ADH7: variants seen among roughly 807,000 people sequenced by gnomAD.
ADH7 encodes the protein alcohol dehydrogenase 7 (class IV), mu or sigma polypeptide, also known as all-trans-retinol dehydrogenase [NAD(+)] ADH7.
A neutral mutation model predicts 34.4 loss-of-function variants in ADH7; 41 were observed. The ratio of observed to expected loss-of-function variants is 1.19; its 90% CI spans 0.93 to 1.55. The LOEUF (loss-of-function observed/expected upper bound fraction) is 1.55. Ranked by LOEUF, ADH7 falls within the 40% of genes most tolerant of loss-of-function variation. The pLI is 0.00. For synonymous variants in ADH7, 180 were observed against 160.9 expected (o/e 1.12, Z -0.90); for missense variants, 540 against 461.2 (o/e 1.17, Z -1.56).
intron 5 of ADH7, among the ~76,000 whole-genome samples, chr4:99,421,166 G>C (rs537508658): frequency 1.3e-5 from 2 of 151,908 alleles, no homozygotes; most frequent in African/African-American, 2.4e-5. Context: ...ATTTCATCTA[G>C]AACCAAAAAA....
At chr4:99,421,270 CA>C (rs1276760355) in intron 5 of ADH7, among the ~76,000 whole-genome samples, 56 of 152,246 alleles carry the variant, frequency 3.7e-4, no homozygotes, top group African/African-American at 9.6e-4. Context: ...GCTACAGTAA[CA>C]AAAACAGCAT....
chr4:99,428,748 A>G, intron 2 of ADH7, 118 bp from the exon 3 acceptor site: 1 of 1,293,644 alleles, frequency 7.7e-7, no homozygotes, highest in Non-Finnish European at 1.1e-6. Flanking sequence ...GCCTAATATA[A>G]CAACATTTAC....
At chr4:99,429,773 T>C in intron 1 of ADH7, 140 bp from the exon 2 acceptor site, 1 of 609,648 alleles carries the variant, frequency 1.6e-6, no homozygotes, top group East Asian at 2.9e-5. Context: ...ACTAGTATTA[T>C]AAGCCTTATA....
chr4:99,425,119 A>C (rs1721768992), intron 5 of ADH7, among the ~76,000 whole-genome samples: 1 of 152,180 alleles, frequency 6.6e-6, no homozygotes. Flanking sequence ...CAAAATGTAA[A>C]GACCATCGAG....
At chr4:99,415,748 T>C in intron 7 of ADH7, 132 bp from the exon 8 acceptor site, 1 of 943,110 alleles carries the variant, frequency 1.1e-6, no homozygotes, top group Non-Finnish European at 1.5e-6. Context: ...AGTGTACAAA[T>C]AAGCTGTATT....
chr4:99,429,369 G>A (rs1043110496), intron 2 of ADH7, among the ~76,000 whole-genome samples, 163 bp downstream of exon 2: 2 of 151,996 alleles, frequency 1.3e-5, no homozygotes, highest in African/African-American at 4.8e-5. Flanking sequence ...ATTTCACATC[G>A]AGTACAACCA....
chr4:99,413,296 C>T (rs947918112), intron 8 of ADH7, 124 bp from the exon 9 acceptor site: 12 of 1,063,546 alleles, frequency 1.1e-5, no homozygotes, highest in Admixed American at 1.0e-4. Flanking sequence ...TGGAAATCCT[C>T]TGGGCTCAAA....
At chr4:99,415,368 T>G in intron 8 of ADH7, 110 bp downstream of exon 8, 2 of 1,152,668 alleles carry the variant, frequency 1.7e-6, no homozygotes, top group Non-Finnish European at 2.5e-6. Context: ...TCAATCTGGC[T>G]AGATTAAATA....
At chr4:99,417,549 C>T (rs1335168990) in intron 7 of ADH7, among the ~76,000 whole-genome samples, 1 of 152,128 alleles carries the variant, frequency 6.6e-6, no homozygotes, top group Non-Finnish European at 1.5e-5. Context: ...GTTACCCATC[C>T]TTTATTATTA....
chr4:99,432,233 A>G (rs1560565527), intron 1 of ADH7, among the ~76,000 whole-genome samples: 1 of 152,158 alleles, frequency 6.6e-6, no homozygotes, highest in Non-Finnish European at 1.5e-5. Flanking sequence ...TAAATACTAC[A>G]TGTTCTCACT....
intron 7 of ADH7, among the ~76,000 whole-genome samples, chr4:99,418,222 T>C (rs1479998251): frequency 1.3e-5 from 2 of 152,232 alleles, no homozygotes; most frequent in Non-Finnish European, 2.9e-5. Flanking sequence ...TTATATTCTT[T>C]CTTTTATATT....
rs573213337 is a variant in ADH7 at position 99,434,574 on chromosome 4, T to TA, written c.18+641dup. ...GGAAATATACTGACCTATTTTCAAA[T>TA]AAAAAAAAACAAAGCAAAGCTGTTT... On this transcript the variant is annotated intron_variant, in intron 1 of 8. Coordinates refer to ENST00000437033, the MANE Select transcript of ADH7 (RefSeq NM_000673.7). Among the ~76,000 whole-genome samples the TA allele has an allele frequency of 1.9e-4, 28 of 151,244 alleles. No individual in the cohort carries two copies. In the South Asian group the frequency reaches 1.9e-3, roughly 10 times the overall value.
rs1006942058 is a variant in ADH7, at chr4:99,428,254, A to G, written c.260-80T>C. On this transcript the variant is annotated intron_variant, in intron 3 of 8. Coordinates refer to ENST00000437033, the MANE Select transcript of ADH7 (RefSeq NM_000673.7). ...ATTAACAAATGTGAATTGAGCCCAT[A>G]CTATAGGTAAAACTTTTAAAAATAT... 1.3e-5 allele frequency: 18 copies of G among 1,377,654 alleles called. No homozygotes were observed. In the African/African-American group the frequency reaches 2.4e-4, roughly 19 times the overall value. 85.3% of individuals were successfully genotyped at this position (1,377,654 alleles called of 1,614,324 possible).
intron 1 of ADH7, among the ~76,000 whole-genome samples, chr4:99,433,534 G>A (rs562088431): frequency 2.0e-5 from 3 of 152,168 alleles, no homozygotes; most frequent in South Asian, 2.1e-4. Flanking sequence ...CTCCAAATTC[G>A]TATGTTGAAG....
chr4:99,419,513 T>C (rs1721599706), intron 6 of ADH7, among the ~76,000 whole-genome samples: 1 of 152,106 alleles, frequency 6.6e-6, no homozygotes, highest in Admixed American at 6.6e-5. Flanking sequence ...AGTCTTAAAA[T>C]TAAATAAAAT....
At chr4:99,419,610 A>G (rs998398814) in intron 6 of ADH7, among the ~76,000 whole-genome samples, 2 of 152,174 alleles carry the variant, frequency 1.3e-5, no homozygotes, top group East Asian at 1.9e-4. Flanking sequence ...CCATCCAGTT[A>G]TTAAGCAATA....
intron 8 of ADH7, 98 bp from the exon 9 acceptor site, chr4:99,413,270 A>T (rs1721449994): frequency 7.4e-7 from 1 of 1,356,036 alleles, no homozygotes; most frequent in Middle Eastern, 1.8e-4. Context: ...TAGAAACTTC[A>T]AGTAAATTCT....
chr4:99,419,122 C>A lies in ADH7; in HGVS notation c.826-1G>T, dbSNP rs1205216883. ...TGTGGCAGGATGCCAGGGCATCAAT[C>A]TGAGTTTAAAACGGAGGAGATCGTT... On this transcript the variant is annotated splice_acceptor_variant, in intron 6 of 8. Transcript: ENST00000437033. LOFTEE classifies it high-confidence loss of function. 1 of 1,613,208 alleles carries A rather than the reference C, an allele frequency of 6.2e-7. No individual in the cohort carries two copies. Among genetic ancestry groups the A allele is most frequent in the South Asian group, 1.1e-5 (1 of 90,992 alleles).
rs752502458 is a variant in ADH7, at chr4:99,415,622, A to G, written c.962-6T>C. On this transcript the variant is annotated splice_polypyrimidine_tract_variant and splice_region_variant and intron_variant, in intron 7 of 8. Coordinates refer to ENST00000437033, the MANE Select transcript of ADH7 (RefSeq NM_000673.7). ...ATCATCTCTGCTTTTCAAACCTGCA[A>G]ATAAGCACACATTTTCTCTTTAGAC... is the stretch of plus-strand genomic sequence containing the variant. 6.2e-7 allele frequency: 1 copy of G among 1,611,530 alleles called. No individual in the cohort carries two copies. Among genetic ancestry groups the G allele is most frequent in the South Asian group, 1.1e-5 (1 of 90,402 alleles).
Sources: allele counts gnomAD v4.1 joint callset (sites outside exome capture counted in the v4.1 genomes callset), GRCh38; gene constraint gnomAD v4.1.1; transcripts MANE v1.5; gene names NCBI Gene and HGNC (gene_info 2026-07-23, HGNC 2026-07-21).